GRIK2: variants seen among roughly 807,000 people sequenced by gnomAD.
The protein encoded by GRIK2 is glutamate receptor ionotropic, kainate 2.
A neutral mutation model predicts 100.3 loss-of-function variants in GRIK2; 32 were observed. The observed-to-expected ratio is 0.32, with a 90% confidence interval of 0.24 to 0.43. The LOEUF is 0.43. Among genes scored for constraint, GRIK2 ranks in the 20% least tolerant of loss-of-function variants. The pLI, the probability that GRIK2 is intolerant of heterozygous loss-of-function variation, is 1.00. For synonymous variants in GRIK2, 417 were observed against 389.4 expected (o/e 1.07, Z -0.83); for missense variants, 843 against 1,114.9 (o/e 0.76, Z 3.47).
At chr6:101,402,594 A>G (rs1160153786) in intron 2 of GRIK2, among the ~76,000 whole-genome samples, 3 of 152,268 alleles carry the variant, frequency 2.0e-5, no homozygotes, top group Admixed American at 2.0e-4. Context: ...AGCCCCTGAC[A>G]TTGAGTCTTG....
intron 10 of GRIK2, among the ~76,000 whole-genome samples, chr6:101,837,961 A>G (rs1783245558): frequency 3.9e-5 from 6 of 152,280 alleles, no homozygotes; most frequent in Admixed American, 3.9e-4. Context: ...CGTGGTATTA[A>G]GAAAGTCTAG....
At chr6:102,014,009 A>G (rs1285943032) in intron 14 of GRIK2, among the ~76,000 whole-genome samples, 2 of 152,082 alleles carry the variant, frequency 1.3e-5, no homozygotes, top group Non-Finnish European at 2.9e-5. Context: ...GAATGGCACC[A>G]GCTCTTCTTT....
At position 101,848,166 on chromosome 6, in the gene GRIK2, G is replaced by A. The variant is rs148714415; in HGVS notation, c.1318-11121G>A. ...TTCAAGACTGTTGTGGAGCTGAGGA[G>A]TATCAAATAGTATCAACAGGGTAAA... On this transcript the variant is annotated intron_variant, in intron 10 of 16. Coordinates refer to ENST00000369134, the MANE Select transcript of GRIK2 (RefSeq NM_021956.5). Among the ~76,000 whole-genome samples, 222 of 152,232 alleles carry A rather than the reference G, an allele frequency of 1.5e-3. 1 individual carries two copies. Among genetic ancestry groups the A allele is most frequent in the African/African-American group, 5.1e-3 (211 of 41,566 alleles).
At chr6:101,760,592 A>ATG (rs1554259478) in intron 7 of GRIK2, among the ~76,000 whole-genome samples, 2 of 87,756 alleles carry the variant, frequency 2.3e-5, no homozygotes, top group Admixed American at 1.8e-4. Flanking sequence ...ATATAATTAT[A>ATG]TATAATTATA....
intron 2 of GRIK2, among the ~76,000 whole-genome samples, chr6:101,588,205 G>A (rs1171509713): frequency 6.6e-6 from 1 of 151,862 alleles, no homozygotes; most frequent in Middle Eastern, 3.2e-3. Flanking sequence ...ATAGAGTGGA[G>A]GAATTAAACA....
intron 2 of GRIK2, among the ~76,000 whole-genome samples, chr6:101,469,087 G>T (rs945659612): frequency 3.9e-5 from 6 of 152,214 alleles, no homozygotes; most frequent in Admixed American, 3.9e-4. Context: ...CAGCCTGAAT[G>T]AGGAGTTCAC....
chr6:101,732,280 G>A (rs529836463), intron 7 of GRIK2, among the ~76,000 whole-genome samples: 67 of 152,084 alleles, frequency 4.4e-4, no homozygotes, highest in African/African-American at 7.5e-4. Flanking sequence ...AAAGAAATAC[G>A]TAAGGGTTTG....
intron 14 of GRIK2, among the ~76,000 whole-genome samples, chr6:101,958,031 A>G (rs1484134904): frequency 6.6e-6 from 1 of 151,910 alleles, no homozygotes. Context: ...TCATATTAAT[A>G]CTATGATTGT....
At chr6:101,452,824 G>A (rs1358463508) in intron 2 of GRIK2, among the ~76,000 whole-genome samples, 9 of 151,812 alleles carry the variant, frequency 5.9e-5, no homozygotes, top group Non-Finnish European at 8.8e-5. Context: ...GAGTAGTGAA[G>A]CATTGAGAAT....
chr6:101,891,084 G>T (rs1421523895), intron 12 of GRIK2, among the ~76,000 whole-genome samples: 1 of 150,858 alleles, frequency 6.6e-6, no homozygotes, highest in Admixed American at 6.6e-5. Flanking sequence ...AAATTTATCA[G>T]TAAGGGTATT....
At chr6:101,829,934 T>A (rs142339247) in intron 10 of GRIK2, among the ~76,000 whole-genome samples, 2 of 151,956 alleles carry the variant, frequency 1.3e-5, no homozygotes, top group Non-Finnish European at 2.9e-5. Flanking sequence ...TATTCTAAAA[T>A]TCATATTGAA....
Position 101,836,896 on chromosome 6 carries a change from C to A in GRIK2, c.1317+18413C>A, listed in dbSNP as rs571964011. ...GGCCAGGCTGGTCTTGAACTCCTGACCCTTTGATCTGCCCTCCTCGGCCTC... is the reference window on the plus strand; with the variant it reads ...GGCCAGGCTGGTCTTGAACTCCTGAACCTTTGATCTGCCCTCCTCGGCCTC... On this transcript the variant is annotated intron_variant, in intron 10 of 16. Transcript: ENST00000369134. 3.3e-5 allele frequency among the ~76,000 whole-genome samples: 5 copies of A among 151,854 alleles called. No homozygotes were observed. In the East Asian group the frequency reaches 9.7e-4, roughly 29 times the overall value.
At chr6:101,492,257 T>C (rs1373631353) in intron 2 of GRIK2, among the ~76,000 whole-genome samples, 1 of 151,974 alleles carries the variant, frequency 6.6e-6, no homozygotes, top group Non-Finnish European at 1.5e-5. Context: ...TCATATTCAT[T>C]AGCTGATAGT....
intron 7 of GRIK2, among the ~76,000 whole-genome samples, chr6:101,739,693 G>C (rs1775900006): frequency 6.6e-6 from 1 of 151,998 alleles, no homozygotes; most frequent in Admixed American, 6.6e-5. Flanking sequence ...AGATATTCTT[G>C]AAGTTGAGGA....
chr6:101,493,724 A>T lies in GRIK2; in HGVS notation c.115+94332A>T, dbSNP rs190815060. 1.9e-3 allele frequency among the ~76,000 whole-genome samples: 290 copies of T among 151,766 alleles called. 2 individuals carry two copies. Among genetic ancestry groups the T allele is most frequent in the African/African-American group, 6.9e-3 (286 of 41,478 alleles). The stretch of plus-strand genomic sequence containing the variant: ...CAATCAGGTAGCTTCAGCAGTTTGC[A>T]GTCTTTGCCTCTATAAAAACATTAT... On this transcript the variant is annotated intron_variant, in intron 2 of 16. Coordinates refer to ENST00000369134, the MANE Select transcript of GRIK2 (RefSeq NM_021956.5).
intron 14 of GRIK2, among the ~76,000 whole-genome samples, chr6:102,030,206 G>A (rs912126588): frequency 1.3e-5 from 2 of 151,028 alleles, no homozygotes; most frequent in African/African-American, 4.8e-5. Flanking sequence ...GATGAAATGG[G>A]GAGATGTTAG....
chr6:101,914,058 A>G (rs1220536947), intron 12 of GRIK2, among the ~76,000 whole-genome samples: 1 of 151,496 alleles, frequency 6.6e-6, no homozygotes, highest in Non-Finnish European at 1.5e-5. Flanking sequence ...AGATAGGGAG[A>G]TGTGTTGGTT....
At chr6:101,534,936 G>C (rs574039383) in intron 2 of GRIK2, among the ~76,000 whole-genome samples, 118 of 151,254 alleles carry the variant, frequency 7.8e-4, no homozygotes, top group Non-Finnish European at 1.3e-3. Context: ...TTGCCATTTG[G>C]TAGAACTGGC....
At chr6:101,861,379 A>C (rs1784725390) in intron 11 of GRIK2, among the ~76,000 whole-genome samples, 1 of 152,190 alleles carries the variant, frequency 6.6e-6, no homozygotes, top group Admixed American at 6.5e-5. Context: ...ATAATTATTA[A>C]ATTTGAATTT....
Sources: gnomAD v4.1 joint callset for allele counts (sites outside exome capture counted in the v4.1 genomes callset) on GRCh38, gnomAD v4.1.1 for gene constraint, MANE v1.5 for transcripts, NCBI Gene and HGNC (gene_info 2026-07-23, HGNC 2026-07-21) for gene names.